The following CPAP variants were observed in gnomAD, a reference collection of about 807,000 sequenced individuals.
CPAP encodes the protein centrosome assembly and centriole elongation protein.
At chr13:24,896,476 T>C in the CPAP span, among the ~76,000 whole-genome samples, 1 of 152,244 alleles carries the variant, frequency 6.6e-6, no homozygotes, top group East Asian at 1.9e-4. Flanking sequence ...AACTGAATTT[T>C]CAATTTACCT....
the CPAP span, among the ~76,000 whole-genome samples, chr13:24,930,623 G>A: frequency 6.6e-6 from 1 of 152,204 alleles, no homozygotes; most frequent in Non-Finnish European, 1.5e-5. Flanking sequence ...TTGCATCCAT[G>A]TTGCTGCAAA....
chr13:24,898,559 T>A, the CPAP span, among the ~76,000 whole-genome samples: 3 of 152,230 alleles, frequency 2.0e-5, no homozygotes, highest in African/African-American at 7.2e-5. Flanking sequence ...ATTGTCAACA[T>A]CTAACATATT....
At chr13:24,882,336 C>CATTA in the CPAP span, 4 of 151,428 alleles carry the variant, frequency 2.6e-5, no homozygotes, top group African/African-American at 9.7e-5. Context: ...TGATAGATTT[C>CATTA]ATTAACAAAA....
At chr13:24,885,671 C>G in the CPAP span, 1 of 1,609,314 alleles carries the variant, frequency 6.2e-7, no homozygotes, top group Non-Finnish European at 8.5e-7. Flanking sequence ...GGTGGATTGC[C>G]TATTAGAATA....
At chr13:24,906,289 T>G in the CPAP span, 34 of 1,601,482 alleles carry the variant, frequency 2.1e-5, no homozygotes, top group Non-Finnish European at 2.9e-5. Context: ...CATCAGCAGC[T>G]TGTTCTAAAA....
chr13:24,909,790 C>A, the CPAP span: 1 of 1,610,496 alleles, frequency 6.2e-7, no homozygotes, highest in Non-Finnish European at 8.5e-7. Context: ...AGTAGCTCAC[C>A]TGTAGGATGG....
the CPAP span, chr13:24,884,414 C>T: frequency 1.2e-6 from 2 of 1,614,044 alleles, no homozygotes; most frequent in Admixed American, 3.3e-5. Context: ...CTTTCGAGTT[C>T]CATTGGGAAA....
the CPAP span, among the ~76,000 whole-genome samples, chr13:24,898,508 G>A: frequency 2.0e-5 from 3 of 152,116 alleles, no homozygotes; most frequent in East Asian, 1.9e-4. Flanking sequence ...ACTTTTGAAT[G>A]ATAATATATT....
the CPAP span, among the ~76,000 whole-genome samples, chr13:24,929,925 T>A: frequency 1.0e-4 from 14 of 137,344 alleles, no homozygotes; most frequent in South Asian, 3.3e-3. Flanking sequence ...TTTTTTTTTT[T>A]AATGAGACAA....
At chr13:24,906,863 A>G in the CPAP span, 1 of 1,614,178 alleles carries the variant, frequency 6.2e-7, no homozygotes, top group Non-Finnish European at 8.5e-7. Context: ...GCCTTTTTGA[A>G]ACTTAGATTT....
At chr13:24,929,247 A>T in the CPAP span, among the ~76,000 whole-genome samples, 9 of 152,190 alleles carry the variant, frequency 5.9e-5, 1 homozygote, top group Non-Finnish European at 1.3e-4. Context: ...TTTTTTGTAG[A>T]GATGGGGTTT....
chr13:24,885,338 C>A, the CPAP span: 4 of 1,613,854 alleles, frequency 2.5e-6, no homozygotes, highest in Admixed American at 3.3e-5. Flanking sequence ...TCTTTATATT[C>A]AGGATCTGGG....
the CPAP span, chr13:24,903,874 G>A: frequency 6.4e-7 from 1 of 1,567,338 alleles, no homozygotes; most frequent in African/African-American, 1.4e-5. Context: ...TGGTCTTAAA[G>A]GTATAACTGA....
the CPAP span, among the ~76,000 whole-genome samples, chr13:24,918,959 T>C: frequency 1.3e-5 from 2 of 151,942 alleles, no homozygotes; most frequent in Non-Finnish European, 2.9e-5. Flanking sequence ...AAAAAAAAAG[T>C]TTTATGATTT....
the CPAP span, chr13:24,905,319 T>C: frequency 3.8e-6 from 6 of 1,599,212 alleles, no homozygotes; most frequent in South Asian, 1.1e-5. Context: ...AACATTCTGA[T>C]ACATATTTTA....
chr13:24,902,842 C>T, the CPAP span, among the ~76,000 whole-genome samples: 1 of 152,162 alleles, frequency 6.6e-6, no homozygotes, highest in Admixed American at 6.5e-5. Flanking sequence ...ATAGCAGCTA[C>T]CATCCCCTAG....
At chr13:24,885,929 C>A in the CPAP span, 11 of 495,224 alleles carry the variant, frequency 2.2e-5, no homozygotes, top group Non-Finnish European at 3.6e-5. Flanking sequence ...CCTGACAGAC[C>A]CAAATGTATT....
At chr13:24,924,183 C>G in the CPAP span, among the ~76,000 whole-genome samples, 7 of 152,158 alleles carry the variant, frequency 4.6e-5, no homozygotes, top group Non-Finnish European at 8.8e-5. Context: ...AAGCCCGAGA[C>G]TTCCGAGATC....
At chr13:24,902,252 A>G in the CPAP span, among the ~76,000 whole-genome samples, 1 of 152,078 alleles carries the variant, frequency 6.6e-6, no homozygotes, top group African/African-American at 2.4e-5. Flanking sequence ...AAAACAAAAA[A>G]CAACAACAAA....
Sources: allele counts gnomAD v4.1 joint callset (sites outside exome capture counted in the v4.1 genomes callset), GRCh38; gene constraint gnomAD v4.1.1; transcripts MANE v1.5; gene names NCBI Gene and HGNC (gene_info 2026-07-23, HGNC 2026-07-21).